NRG3: variants seen among roughly 807,000 people sequenced by gnomAD.
NRG3 encodes pro-neuregulin-3, membrane-bound isoform.
In NRG3, 31 loss-of-function variants were observed where a neutral mutation model predicts 66.9. That is an observed-to-expected ratio of 0.46 (90% CI 0.35 to 0.63). NRG3 has a LOEUF of 0.63. Ranked by LOEUF, NRG3 falls within the 20% of genes least tolerant of loss-of-function variation. The pLI is 0.00. For synonymous variants in NRG3, 393 were observed against 359.4 expected (o/e 1.09, Z -1.06); for missense variants, 910 against 878.9 (o/e 1.04, Z -0.45).
intron 1 of NRG3, among the ~76,000 whole-genome samples, chr10:82,065,346 T>C (rs2064393376): frequency 6.6e-6 from 1 of 152,224 alleles, no homozygotes; most frequent in Non-Finnish European, 1.5e-5. Flanking sequence ...CACTGATGTG[T>C]ATAAATAGAG....
Position 81,884,878 on chromosome 10 carries a change from TATCC to T in NRG3, c.823+8719_823+8722del, listed in dbSNP as rs1479472899. On this transcript the variant is annotated intron_variant, in intron 1 of 8. Transcript: ENST00000372141. Reference sequence around the variant, plus strand: ...GTCACCACAGTCAGGGTACTAAACATATCCATCACCTCCAAAAATTTCCTTGTGT... The same window carrying T: ...GTCACCACAGTCAGGGTACTAAACATATCACCTCCAAAAATTTCCTTGTGT... 2.0e-3 allele frequency among the ~76,000 whole-genome samples: 301 copies of T among 152,296 alleles called. 3 individuals are homozygous for T. The highest frequency in any genetic ancestry group is 7.6e-4 in the Non-Finnish European group (52 of 68,016).
chr10:82,778,770 A>G (rs1159865578), intron 3 of NRG3, among the ~76,000 whole-genome samples: 3 of 152,064 alleles, frequency 2.0e-5, no homozygotes, highest in East Asian at 1.9e-4. Flanking sequence ...CTGAGGTTAC[A>G]CTGCTCTGTG....
chr10:82,611,331 A>C (rs1167260585), intron 2 of NRG3, among the ~76,000 whole-genome samples: 3 of 151,898 alleles, frequency 2.0e-5, no homozygotes, highest in Non-Finnish European at 4.4e-5. Context: ...GGTTTGTTAC[A>C]TAGGTATACA....
At chr10:82,018,939 T>C (rs1040530543) in intron 1 of NRG3, among the ~76,000 whole-genome samples, 1 of 152,042 alleles carries the variant, frequency 6.6e-6, no homozygotes, top group East Asian at 1.9e-4. Flanking sequence ...CTTTCTCCTG[T>C]CTTATTGCCC....
At chr10:82,611,857 A>G (rs969601971) in intron 2 of NRG3, among the ~76,000 whole-genome samples, 1 of 152,168 alleles carries the variant, frequency 6.6e-6, no homozygotes, top group Non-Finnish European at 1.5e-5. Flanking sequence ...GTCTTCCACC[A>G]TGGTTGAACT....
intron 2 of NRG3, among the ~76,000 whole-genome samples, chr10:82,427,355 T>C (rs2089516381): frequency 6.6e-6 from 1 of 152,174 alleles, no homozygotes; most frequent in African/African-American, 2.4e-5. Context: ...AGTTCTTTTT[T>C]ATTCCTAGTT....
intron 2 of NRG3, among the ~76,000 whole-genome samples, chr10:82,573,802 T>G (rs2622806): frequency 0.084 from 12,806 of 151,824 alleles, 624 homozygotes; most frequent in East Asian, 0.15. Flanking sequence ...AGGGTTTGAT[T>G]ACCCAAGGCT....
chr10:82,561,830 G>A (rs771387600), intron 2 of NRG3, among the ~76,000 whole-genome samples: 3 of 152,094 alleles, frequency 2.0e-5, no homozygotes, highest in African/African-American at 4.8e-5. Context: ...GAAATTGAGA[G>A]GAAAAGACAT....
intron 3 of NRG3, among the ~76,000 whole-genome samples, chr10:82,861,910 C>T (rs342396): frequency 0.35 from 52,730 of 151,986 alleles, 9,868 homozygotes; most frequent in African/African-American, 0.51. Flanking sequence ...CCCAGCTGTT[C>T]ACAAATATTA....
At chr10:82,457,310 T>G (rs1185343378) in intron 2 of NRG3, among the ~76,000 whole-genome samples, 1 of 152,162 alleles carries the variant, frequency 6.6e-6, no homozygotes, top group Admixed American at 6.5e-5. Context: ...AGGATGAAAC[T>G]GTTCCACCTC....
chr10:82,833,047 G>A (rs370866067), intron 3 of NRG3, among the ~76,000 whole-genome samples: 1 of 151,982 alleles, frequency 6.6e-6, no homozygotes, highest in Non-Finnish European at 1.5e-5. Flanking sequence ...TCATTAGAAC[G>A]CTCTGGTAGC....
At chr10:82,380,923 A>T (rs1479365296) in intron 2 of NRG3, among the ~76,000 whole-genome samples, 1 of 152,154 alleles carries the variant, frequency 6.6e-6, no homozygotes, top group Non-Finnish European at 1.5e-5. Flanking sequence ...ATGGCAGCGG[A>T]TTACATTCAT....
chr10:81,993,185 G>A (rs1054909823), intron 1 of NRG3, among the ~76,000 whole-genome samples: 2 of 152,040 alleles, frequency 1.3e-5, no homozygotes, highest in Non-Finnish European at 2.9e-5. Flanking sequence ...AGTTTAAAAC[G>A]AGCCATCCTT....
intron 1 of NRG3, among the ~76,000 whole-genome samples, chr10:81,976,538 A>G (rs1175422399): frequency 6.6e-6 from 1 of 152,208 alleles, no homozygotes; most frequent in African/African-American, 2.4e-5. Context: ...TCTAGGATAG[A>G]TTGCTGAGAT....
intron 2 of NRG3, among the ~76,000 whole-genome samples, chr10:82,458,560 A>G (rs1474831618): frequency 6.6e-6 from 1 of 152,190 alleles, no homozygotes; most frequent in Non-Finnish European, 1.5e-5. Flanking sequence ...AAGTAGAAAA[A>G]GGCTGGAGAA....
chr10:82,321,309 G>GGC (rs543741528), intron 1 of NRG3, among the ~76,000 whole-genome samples: 1,657 of 151,404 alleles, frequency 0.011, 59 homozygotes, highest in East Asian at 0.11. Context: ...GGTGGGGGTG[G>GGC]GGGTCAGGGA....
chr10:82,140,491 AT>A (rs2069688058), intron 1 of NRG3, among the ~76,000 whole-genome samples: 1 of 152,198 alleles, frequency 6.6e-6, no homozygotes, highest in Non-Finnish European at 1.5e-5. Context: ...TGGCAATGGC[AT>A]TTTATTTAAT....
intron 1 of NRG3, among the ~76,000 whole-genome samples, chr10:82,063,175 T>C (rs1014936850): frequency 2.0e-5 from 3 of 152,216 alleles, no homozygotes; most frequent in Non-Finnish European, 2.9e-5. Flanking sequence ...TCTACACTTA[T>C]GATTCTTTTG....
At chr10:82,755,944 T>C (rs1188542300) in intron 3 of NRG3, among the ~76,000 whole-genome samples, 2 of 152,186 alleles carry the variant, frequency 1.3e-5, no homozygotes, top group African/African-American at 4.8e-5. Context: ...CTGGCTCATA[T>C]TGACCAATAT....
Sources: allele counts gnomAD v4.1 joint callset (sites outside exome capture counted in the v4.1 genomes callset), GRCh38; gene constraint gnomAD v4.1.1; transcripts MANE v1.5; gene names NCBI Gene and HGNC (gene_info 2026-07-23, HGNC 2026-07-21).